Variants in NDUFAF6 observed in about 807,000 individuals in gnomAD.
NDUFAF6 encodes NADH dehydrogenase (ubiquinone) complex I, assembly factor 6.
A neutral mutation model predicts 40.8 loss-of-function variants in NDUFAF6; 45 were observed. The ratio of observed to expected loss-of-function variants is 1.10; its 90% CI spans 0.87 to 1.42. The LOEUF (loss-of-function observed/expected upper bound fraction) is 1.42. Among genes scored for constraint, NDUFAF6 ranks in the 40% most tolerant of loss-of-function variants. The pLI, the probability that NDUFAF6 is intolerant of heterozygous loss-of-function variation, is 0.00. For synonymous variants in NDUFAF6, 185 were observed against 155.9 expected (o/e 1.19, Z -1.39); for missense variants, 435 against 418.5 (o/e 1.04, Z -0.34).
intron 3 of NDUFAF6, among the ~76,000 whole-genome samples, chr8:95,038,625 G>C (rs1247166853): frequency 6.6e-6 from 1 of 152,122 alleles, no homozygotes; most frequent in African/African-American, 2.4e-5. Context: ...TGAGATTACA[G>C]GCGTGAGCGA....
At chr8:94,961,536 C>T (rs1465904902) in intron 1 of NDUFAF6, among the ~76,000 whole-genome samples, 1 of 152,226 alleles carries the variant, frequency 6.6e-6, no homozygotes, top group Non-Finnish European at 1.5e-5. Flanking sequence ...ATTTTCCTGC[C>T]TCAGCCTCCC....
chr8:94,956,331 G>C (rs1192110119), upstream of NDUFAF6, among the ~76,000 whole-genome samples: 1 of 152,152 alleles, frequency 6.6e-6, no homozygotes, highest in Non-Finnish European at 1.5e-5. Flanking sequence ...GGTGAGTTCT[G>C]AGCCAAGCCC....
intron 8 of NDUFAF6, 124 bp from the exon 9 acceptor site, chr8:95,057,685 A>G (rs960753270): frequency 9.1e-5 from 69 of 754,752 alleles, no homozygotes; most frequent in Non-Finnish European, 5.4e-5. Flanking sequence ...TCTCACTTAA[A>G]TAGAAAACCA....
intron 1 of NDUFAF6, among the ~76,000 whole-genome samples, chr8:94,924,351 C>T (rs971030357): frequency 1.3e-5 from 2 of 152,172 alleles, no homozygotes; most frequent in Non-Finnish European, 2.9e-5. Context: ...TGAGCCACCG[C>T]ACCCGGCCCC....
At chr8:95,047,954 C>T (rs768787430) in intron 6 of NDUFAF6, among the ~76,000 whole-genome samples, 15 of 152,084 alleles carry the variant, frequency 9.9e-5, no homozygotes, top group Admixed American at 2.6e-4. Context: ...TGCCTGTAAT[C>T]CCAGCACTTT....
chr8:94,948,219 C>G (rs540696759), intron 2 of NDUFAF6, among the ~76,000 whole-genome samples: 1 of 152,306 alleles, frequency 6.6e-6, no homozygotes, highest in African/African-American at 2.4e-5. Flanking sequence ...TCAGCTGCCA[C>G]TTTGAAATAC....
chr8:95,043,653 G>A (rs1449253462), intron 4 of NDUFAF6, among the ~76,000 whole-genome samples: 31 of 152,104 alleles, frequency 2.0e-4, no homozygotes, highest in Non-Finnish European at 4.4e-5. Context: ...TTTCATTAGA[G>A]AAATGCAAAT....
upstream of NDUFAF6, chr8:95,024,960 T>C (rs199563102): frequency 7.0e-6 from 9 of 1,284,050 alleles, no homozygotes; most frequent in East Asian, 6.3e-5. Flanking sequence ...GGCCGGGGCG[T>C]AGCTGCGCGC....
intron 1 of NDUFAF6, among the ~76,000 whole-genome samples, chr8:94,902,039 T>C (rs556635639): frequency 6.6e-6 from 1 of 152,202 alleles, no homozygotes; most frequent in African/African-American, 2.4e-5. Context: ...TCTTATTTTC[T>C]GGTGCATTTC....
At chr8:95,056,937 T>G (rs549925976) in intron 8 of NDUFAF6, among the ~76,000 whole-genome samples, 1 of 152,188 alleles carries the variant, frequency 6.6e-6, no homozygotes, top group East Asian at 1.9e-4. Context: ...ATGAATTTGT[T>G]TGTATTTCAC....
chr8:95,098,636 C>T (rs1423783094), upstream of NDUFAF6, among the ~76,000 whole-genome samples: 1 of 152,224 alleles, frequency 6.6e-6, no homozygotes, highest in East Asian at 1.9e-4. Flanking sequence ...CACCACTGCA[C>T]TCCAGCCTGG....
intron 1 of NDUFAF6, among the ~76,000 whole-genome samples, chr8:94,937,805 A>C (rs953480301): frequency 2.0e-5 from 3 of 152,142 alleles, no homozygotes; most frequent in African/African-American, 7.2e-5. Context: ...ATCTTGCAAA[A>C]CTGGAGCCAA....
chr8:94,958,690 A>G (rs1291621417), intron 1 of NDUFAF6, among the ~76,000 whole-genome samples: 2 of 151,654 alleles, frequency 1.3e-5, no homozygotes, highest in East Asian at 1.9e-4. Flanking sequence ...ACACGCCACC[A>G]TGTAGAGACA....
chr8:94,933,762 C>CA lies in NDUFAF6; in HGVS notation c.-935-11713dup, dbSNP rs200405745. ...CCTGGGTGACAGAGCAAGACTCTCT[C>CA]AAAAAAAACCCCCAAAAAAACCAAC... On this transcript the variant is annotated intron_variant, in intron 1 of 14. Coordinates refer to the NDUFAF6 transcript ENST00000396113. 8.4e-3 allele frequency among the ~76,000 whole-genome samples: 994 copies of CA among 118,348 alleles called. 15 individuals are homozygous for CA. The highest frequency in any genetic ancestry group is 0.026 in the African/African-American group (855 of 33,242). 77.6% of individuals were successfully genotyped at this position (118,348 alleles called of 152,430 possible).
At position 95,005,540 on chromosome 8, in the gene NDUFAF6, TATATATATATATAA is replaced by T. The variant is rs1826929609; in HGVS notation, c.-84+24569_-84+24582del. Among the ~76,000 whole-genome samples the T allele has an allele frequency of 3.7e-5, 5 of 134,760 alleles. No individual in the cohort carries two copies. In the South Asian group the frequency reaches 6.8e-4, roughly 18 times the overall value. 88.4% of individuals were successfully genotyped at this position (134,760 alleles called of 152,430 possible). A position where few individuals can be genotyped will look rare whatever the true frequency, so the allele number is the denominator to read the frequency against. The stretch of plus-strand genomic sequence containing the variant: ...TGGTCCTTTTAAATATATATATATA[TATATATATATATAA>T]AAAATATATTAACATAAATAATATA... On this transcript the variant is annotated intron_variant, in intron 2 of 9. Coordinates refer to the NDUFAF6 transcript ENST00000396111.
intron 7 of NDUFAF6, 87 bp from the exon 8 acceptor site, chr8:95,052,087 G>A: frequency 8.1e-7 from 1 of 1,232,602 alleles, no homozygotes; most frequent in East Asian, 2.3e-5. Flanking sequence ...GGCCCTATCA[G>A]TATTGTTAAA....
intron 2 of NDUFAF6, chr8:94,945,730 T>A (rs1821925315): frequency 6.6e-6 from 1 of 152,214 alleles, no homozygotes; most frequent in African/African-American, 2.4e-5. Context: ...AAAGCATGTG[T>A]CCTAAGAGGA....
At chr8:95,078,599 T>C (rs1285449503), downstream of NDUFAF6, 1 of 151,126 alleles carries the variant, frequency 6.6e-6, no homozygotes, top group Non-Finnish European at 1.5e-5. Context: ...GGAGCTGTGA[T>C]TGTGCCACTG....
At chr8:95,042,942 A>G (rs1352654661) in intron 4 of NDUFAF6, among the ~76,000 whole-genome samples, 1 of 152,208 alleles carries the variant, frequency 6.6e-6, no homozygotes, top group Non-Finnish European at 1.5e-5. Context: ...TTGCAAAAGA[A>G]TAAGTTTTGA....
Sources: allele counts gnomAD v4.1 joint callset (sites outside exome capture counted in the v4.1 genomes callset), GRCh38; gene constraint gnomAD v4.1.1; transcripts MANE v1.5; gene names NCBI Gene and HGNC (gene_info 2026-07-23, HGNC 2026-07-21).